Variants in GRIN2B observed in about 807,000 individuals in gnomAD.
GRIN2B encodes the protein glutamate receptor ionotropic, NMDA 2B.
Under a neutral mutation model 114.5 loss-of-function variants are expected in GRIN2B, and 5 were observed. That is an observed-to-expected ratio of 0.04 (90% CI 0.02 to 0.09). The LOEUF is 0.09. Among genes scored for constraint, GRIN2B ranks in the 10% least tolerant of loss-of-function variants. GRIN2B has a pLI of 1.00. For missense variants in GRIN2B, 1,108 were observed against 1,943.5 expected, an observed-to-expected ratio of 0.57 and a Z score of 8.08; for synonymous variants, 787 against 745.1, an observed-to-expected ratio of 1.06 and a Z score of -0.92.
chr12:13,559,763 C>T lies in GRIN2B; in HGVS notation c.*3020G>A, dbSNP rs1558766. 0.88 allele frequency: 133,734 copies of T among 152,186 alleles called. 61,366 individuals carry two copies. Among genetic ancestry groups the T allele is most frequent in the East Asian group, 1 (5,174 of 5,174 alleles). The allele number at this position is 152,186 out of a possible 1,614,324, so 9.4% of individuals were successfully genotyped here. On this transcript the variant is annotated 3_prime_UTR_variant, in exon 14 of 14. Coordinates refer to ENST00000609686, the MANE Select transcript of GRIN2B (RefSeq NM_000834.5). ...TTTCCACGTGTGTTTGCCAGGCTGA[C>T]TTCTGAGGGTGGAGATGGGGCAGGG...
chr12:13,813,216 T>C (rs1418660245), intron 3 of GRIN2B, among the ~76,000 whole-genome samples: 1 of 152,014 alleles, frequency 6.6e-6, no homozygotes. Context: ...ATTACAGGCG[T>C]GAGCCACCGT....
intron 5 of GRIN2B, among the ~76,000 whole-genome samples, chr12:13,624,234 T>A (rs1191459795): frequency 6.6e-6 from 1 of 152,226 alleles, no homozygotes; most frequent in African/African-American, 2.4e-5. Flanking sequence ...ATTGCCTTTT[T>A]TTTGTCCCTT....
chr12:13,921,866 C>T (rs1244277035), intron 2 of GRIN2B, among the ~76,000 whole-genome samples: 1 of 152,066 alleles, frequency 6.6e-6, no homozygotes, highest in African/African-American at 2.4e-5. Context: ...ATTGAAGAAT[C>T]AGTGGATAGA....
chr12:13,598,897 T>C (rs910038953), intron 10 of GRIN2B, among the ~76,000 whole-genome samples: 12 of 152,224 alleles, frequency 7.9e-5, no homozygotes, highest in African/African-American at 2.9e-4. Flanking sequence ...ACTAGCCATG[T>C]GCTTTTTAAA....
intron 4 of GRIN2B, among the ~76,000 whole-genome samples, chr12:13,695,136 A>T (rs995858290): frequency 5.3e-5 from 8 of 152,184 alleles, no homozygotes; most frequent in South Asian, 2.1e-4. Context: ...GATGTGAAAG[A>T]AGTCTTTGTC....
At position 13,553,226 on chromosome 12, in the gene GRIN2B, G is replaced by C. The variant is rs909238451; in HGVS notation, c.*9557C>G. On this transcript the variant is annotated 3_prime_UTR_variant, in exon 14 of 14. Transcript: ENST00000609686. ...GGAGGAAGGGTTAACAGGGCTTCAA[G>C]AATACAGGGACCAGAGGATAAGGGA... 6.6e-6 allele frequency: 1 copy of C among 152,220 alleles called. No individual in the cohort carries two copies. Among genetic ancestry groups the C allele is most frequent in the African/African-American group, 2.4e-5 (1 of 41,444 alleles). 9.4% of individuals were successfully genotyped at this position (152,220 alleles called of 1,614,324 possible).
At position 13,554,695 on chromosome 12, in the gene GRIN2B, G is replaced by C. The variant is rs1948457452; in HGVS notation, c.*8088C>G. 1 of 152,120 alleles carries C rather than the reference G, an allele frequency of 6.6e-6. No homozygotes were observed. The highest frequency in any genetic ancestry group is 2.1e-4 in the South Asian group (1 of 4,822). The allele number at this position is 152,120 out of a possible 1,614,324, so 9.4% of individuals were successfully genotyped here. A position where few individuals can be genotyped will look rare whatever the true frequency, so the allele number is the denominator to read the frequency against. Reference sequence around the variant, plus strand: ...TTCAAATATAAAATATTGGAACAATGCTAAAAGACGCTGAAATAATCCAGA... The same window carrying C: ...TTCAAATATAAAATATTGGAACAATCCTAAAAGACGCTGAAATAATCCAGA... On this transcript the variant is annotated 3_prime_UTR_variant, in exon 14 of 14. Coordinates refer to ENST00000609686, the MANE Select transcript of GRIN2B (RefSeq NM_000834.5).
chr12:13,935,598 G>T (rs1565592564), intron 2 of GRIN2B, among the ~76,000 whole-genome samples: 1 of 152,132 alleles, frequency 6.6e-6, no homozygotes, highest in Non-Finnish European at 1.5e-5. Context: ...TTATGCATCT[G>T]TTTCCTCGCT....
intron 3 of GRIN2B, among the ~76,000 whole-genome samples, chr12:13,794,702 A>C (rs1344810837): frequency 1.3e-5 from 2 of 152,250 alleles, no homozygotes; most frequent in African/African-American, 4.8e-5. Flanking sequence ...TTAGCCATGG[A>C]ATGGGAAGAT....
chr12:13,614,565 G>A (rs1949410819), intron 8 of GRIN2B, among the ~76,000 whole-genome samples: 1 of 152,138 alleles, frequency 6.6e-6, no homozygotes, highest in South Asian at 2.1e-4. Flanking sequence ...ATGGTATGGG[G>A]AGGGGTGCAG....
At chr12:13,663,169 T>C (rs1243888012) in intron 5 of GRIN2B, among the ~76,000 whole-genome samples, 1 of 152,166 alleles carries the variant, frequency 6.6e-6, no homozygotes, top group Non-Finnish European at 1.5e-5. Flanking sequence ...GTTAAGACCA[T>C]TCACCACTCC....
intron 3 of GRIN2B, among the ~76,000 whole-genome samples, chr12:13,833,327 GA>G (rs1865188144): frequency 6.6e-6 from 1 of 152,170 alleles, no homozygotes; most frequent in Non-Finnish European, 1.5e-5. Flanking sequence ...TCCTCACGAG[GA>G]GATGAATACC....
At chr12:13,581,380 G>C (rs1048408234) in intron 10 of GRIN2B, among the ~76,000 whole-genome samples, 4 of 152,196 alleles carry the variant, frequency 2.6e-5, no homozygotes, top group African/African-American at 9.6e-5. Context: ...AGGGTGAAGG[G>C]ATATGTATGT....
chr12:13,693,268 A>T (rs554365816), intron 4 of GRIN2B, among the ~76,000 whole-genome samples: 1 of 152,208 alleles, frequency 6.6e-6, no homozygotes, highest in East Asian at 1.9e-4. Context: ...AGTTTCCAAG[A>T]CCCTATCGAT....
chr12:13,710,071 G>T (rs1249856865), intron 4 of GRIN2B, among the ~76,000 whole-genome samples: 1 of 151,906 alleles, frequency 6.6e-6, no homozygotes, highest in Non-Finnish European at 1.5e-5. Flanking sequence ...TCATAAAATG[G>T]TATATTACTC....
chr12:13,676,031 C>A (rs1024589963), intron 4 of GRIN2B, among the ~76,000 whole-genome samples, 172 bp from the exon 5 acceptor site: 5 of 152,040 alleles, frequency 3.3e-5, no homozygotes, highest in South Asian at 2.1e-4. Context: ...GCAATAGAGT[C>A]ATCCAAGTTT....
intron 3 of GRIN2B, among the ~76,000 whole-genome samples, chr12:13,797,298 A>G (rs1864433367): frequency 6.6e-6 from 1 of 152,040 alleles, no homozygotes; most frequent in African/African-American, 2.4e-5. Flanking sequence ...CCATGACCTA[A>G]TCACCTCCCA....
At position 13,562,575 on chromosome 12, in the gene GRIN2B, GGAGAGAACTGTGA is replaced by G; in HGVS notation, c.*195_*207del. The G allele has an allele frequency of 3.4e-6, 2 of 591,828 alleles. No individual in the cohort carries two copies. Among genetic ancestry groups the G allele is most frequent in the South Asian group, 4.1e-5 (2 of 49,026 alleles). 36.7% of individuals were successfully genotyped at this position (591,828 alleles called of 1,614,324 possible). ...GAATGGCTGACAGCGGGGGGAAGAA[GGAGAGAACTGTGA>G]AAAGGAGGAGAGATGGTGCTGGTCA... On this transcript the variant is annotated 3_prime_UTR_variant, in exon 14 of 14. Coordinates refer to ENST00000609686, the MANE Select transcript of GRIN2B (RefSeq NM_000834.5).
Position 13,561,810 on chromosome 12 carries a change from TCA to T in GRIN2B, c.*971_*972del, listed in dbSNP as rs1948549069. On this transcript the variant is annotated 3_prime_UTR_variant, in exon 14 of 14. Transcript: ENST00000609686. ...ATGTACCTTGTTCTTGCAGGATTGC[TCA>T]CCGCCTTTTTTTGTTTAGACCACAG... The T allele has an allele frequency of 6.6e-6, 1 of 152,658 alleles. No individual in the cohort carries two copies. Among genetic ancestry groups the T allele is most frequent in the African/African-American group, 2.4e-5 (1 of 41,456 alleles). 9.5% of individuals were successfully genotyped at this position (152,658 alleles called of 1,614,324 possible).
Sources: allele counts gnomAD v4.1 joint callset (sites outside exome capture counted in the v4.1 genomes callset), GRCh38; gene constraint gnomAD v4.1.1; transcripts MANE v1.5; gene names NCBI Gene and HGNC (gene_info 2026-07-23, HGNC 2026-07-21).